Variants in NMBR observed in about 807,000 individuals in gnomAD.
The protein encoded by NMBR is neuromedin-B receptor.
Under a neutral mutation model 20.5 loss-of-function variants are expected in NMBR, and 16 were observed. That is an observed-to-expected ratio of 0.78 (90% CI 0.53 to 1.19). The LOEUF is 1.19. NMBR is among the 50% of genes most tolerant of loss of function. The pLI, the probability that NMBR is intolerant of heterozygous loss-of-function variation, is 0.00. For missense variants in NMBR, 582 were observed against 499.1 expected, an observed-to-expected ratio of 1.17 and a Z score of -1.58; for synonymous variants, 212 against 196.6, an observed-to-expected ratio of 1.08 and a Z score of -0.65.
intron 1 of NMBR, among the ~76,000 whole-genome samples, chr6:142,125,604 A>G (rs554049542): frequency 6.6e-6 from 1 of 151,942 alleles, no homozygotes; most frequent in South Asian, 2.1e-4. Flanking sequence ...AGTAGCTGGT[A>G]TTATATATAG....
At chr6:142,107,339 C>T (rs913928271) in intron 1 of NMBR, among the ~76,000 whole-genome samples, 1 of 152,042 alleles carries the variant, frequency 6.6e-6, no homozygotes. Flanking sequence ...TTAATGCCCC[C>T]AAGGCACTAC....
In NMBR at chr6:142,078,789, C is replaced by T. The variant is rs529653248; in HGVS notation, c.537G>A (p.Ala179=). ...VVSVLLAVPE[A]VFSEVARISS... ...TGATGCGAGCCACTTCTGAAAACAC[C>T]GCTTCGGGAACTGCCAGCAACACGG... The change falls in exon 3 of 4, where the codon GCG becomes GCA. Residue 179 remains alanine (A), a synonymous_variant. Coordinates refer to ENST00000258042, the MANE Select transcript of NMBR (RefSeq NM_002511.4). The T allele has an allele frequency of 5.0e-6, 8 of 1,613,784 alleles. No homozygotes were observed. Among genetic ancestry groups the T allele is most frequent in the Middle Eastern group, 1.6e-4 (1 of 6,062 alleles).
intron 3 of NMBR, among the ~76,000 whole-genome samples, chr6:142,076,685 G>T (rs140282643): frequency 6.6e-6 from 1 of 152,156 alleles, no homozygotes; most frequent in Admixed American, 6.5e-5. Flanking sequence ...GGGTATTCAA[G>T]AGTGTAATAA....
intron 1 of NMBR, among the ~76,000 whole-genome samples, chr6:142,140,687 A>G (rs573303073): frequency 4.1e-4 from 63 of 152,286 alleles, no homozygotes; most frequent in African/African-American, 1.5e-3. Context: ...TTAAATATTT[A>G]AAGGTTTAAT....
intron 1 of NMBR, among the ~76,000 whole-genome samples, chr6:142,132,357 C>T (rs1259008268): frequency 6.6e-6 from 1 of 152,066 alleles, no homozygotes; most frequent in Non-Finnish European, 1.5e-5. Flanking sequence ...GTCCTCAACA[C>T]CCATAACAAT....
intron 1 of NMBR, among the ~76,000 whole-genome samples, chr6:142,142,486 A>C (rs1326019241): frequency 2.6e-5 from 4 of 152,168 alleles, no homozygotes; most frequent in African/African-American, 7.2e-5. Flanking sequence ...GAAACAAACC[A>C]AAAACCCTAA....
At chr6:142,082,144 A>G (rs968580098) in intron 2 of NMBR, among the ~76,000 whole-genome samples, 2 of 152,172 alleles carry the variant, frequency 1.3e-5, no homozygotes, top group Non-Finnish European at 2.9e-5. Flanking sequence ...TAATGACACT[A>G]CCCAAAATTT....
At chr6:142,078,380 C>G (rs1776995306) in intron 3 of NMBR, among the ~76,000 whole-genome samples, 175 bp downstream of exon 3, 1 of 152,140 alleles carries the variant, frequency 6.6e-6, no homozygotes, top group South Asian at 2.1e-4. Flanking sequence ...CAGGCCTTTG[C>G]AGGGCTCTGA....
chr6:142,103,169 C>A (rs1303184006), intron 1 of NMBR, among the ~76,000 whole-genome samples: 1 of 152,110 alleles, frequency 6.6e-6, no homozygotes, highest in Non-Finnish European at 1.5e-5. Flanking sequence ...CTGAGAAGAC[C>A]ATGGAGTCTA....
intron 1 of NMBR, among the ~76,000 whole-genome samples, chr6:142,094,777 C>T (rs1309273326): frequency 6.6e-6 from 1 of 152,120 alleles, no homozygotes; most frequent in African/African-American, 2.4e-5. Context: ...ATTCTTCCTA[C>T]CCATGAGCAT....
At position 142,103,242 on chromosome 6, in the gene NMBR, T is replaced by G. The variant is rs370414729; in HGVS notation, c.-663-13921A>C. Among the ~76,000 whole-genome samples, 11 of 152,304 alleles carry G rather than the reference T, an allele frequency of 7.2e-5. No homozygotes were observed. In the East Asian group the frequency reaches 1.9e-3, roughly 27 times the overall value. On this transcript the variant is annotated intron_variant, in intron 1 of 3. Coordinates refer to ENST00000258042, the MANE Select transcript of NMBR (RefSeq NM_002511.4). ...CCAGTCAGTAGACCATGAAATGCAT[T>G]CATTACCTGGTGAAAATATACTTTG...
In NMBR at chr6:142,134,640, C is replaced by T. The variant is rs764922078; in HGVS notation, c.-664+12404G>A. On this transcript the variant is annotated intron_variant, in intron 1 of 3. Transcript: ENST00000258042. ...AATGCATTCTTCAAAAGCCTATCTA[C>T]ACTATAATTTATATACTCTCTGTTT... 7.2e-6 allele frequency: 5 copies of T among 692,498 alleles called. No homozygotes were observed. In the East Asian group the frequency reaches 1.1e-4, roughly 15 times the overall value. The allele number at this position is 692,498 out of a possible 1,614,324, so 42.9% of individuals were successfully genotyped here. A position where few individuals can be genotyped will look rare whatever the true frequency, so the allele number is the denominator to read the frequency against.
chr6:142,097,158 T>C (rs1777469973), intron 1 of NMBR, among the ~76,000 whole-genome samples: 1 of 152,124 alleles, frequency 6.6e-6, no homozygotes, highest in African/African-American at 2.4e-5. Flanking sequence ...AATTGGAGCA[T>C]TTAGCCCATT....
chr6:142,145,908 G>A (rs2114619437), intron 1 of NMBR, among the ~76,000 whole-genome samples: 1 of 152,288 alleles, frequency 6.6e-6, no homozygotes, highest in South Asian at 2.1e-4. Flanking sequence ...GGCAGCTGCG[G>A]TTGAGAATCA....
chr6:142,102,808 C>G (rs1418471306), intron 1 of NMBR, among the ~76,000 whole-genome samples: 1 of 152,154 alleles, frequency 6.6e-6, no homozygotes, highest in African/African-American at 2.4e-5. Flanking sequence ...ATAAGGCTGG[C>G]TGCAAAATTC....
chr6:142,146,351 G>T (rs1745156624), intron 1 of NMBR, among the ~76,000 whole-genome samples: 1 of 152,148 alleles, frequency 6.6e-6, no homozygotes, highest in South Asian at 2.1e-4. Flanking sequence ...GTTTTAAGAT[G>T]AATTGTCAAA....
chr6:142,110,141 A>G (rs1401758383), intron 1 of NMBR, among the ~76,000 whole-genome samples: 1 of 152,220 alleles, frequency 6.6e-6, no homozygotes, highest in Non-Finnish European at 1.5e-5. Context: ...AAAGTGGTGT[A>G]GCCGCTTTGA....
intron 1 of NMBR, among the ~76,000 whole-genome samples, chr6:142,146,485 A>G (rs1003644159): frequency 1.3e-5 from 2 of 152,234 alleles, no homozygotes; most frequent in African/African-American, 4.8e-5. Context: ...GGGTAGAAGG[A>G]AAAGTGATGC....
chr6:142,131,071 C>G (rs181071567), intron 1 of NMBR, among the ~76,000 whole-genome samples: 1 of 152,188 alleles, frequency 6.6e-6, no homozygotes, highest in African/African-American at 2.4e-5. Flanking sequence ...CCTGTATCAC[C>G]ATTGTATATT....
Sources: gnomAD v4.1 joint callset for allele counts (sites outside exome capture counted in the v4.1 genomes callset) on GRCh38, gnomAD v4.1.1 for gene constraint, MANE v1.5 for transcripts, NCBI Gene and HGNC (gene_info 2026-07-23, HGNC 2026-07-21) for gene names.